PHACTR3: variants seen among roughly 807,000 people sequenced by gnomAD.
The protein encoded by PHACTR3 is phosphatase and actin regulator 3, also known as protein phosphatase 1, regulatory subunit 123.
Under a neutral mutation model 66.8 loss-of-function variants are expected in PHACTR3, and 16 were observed. The observed-to-expected ratio is 0.24, with a 90% CI of 0.16 to 0.36. The LOEUF is 0.36. Ranked by LOEUF, PHACTR3 falls within the 10% of genes least tolerant of loss-of-function variation. PHACTR3 has a pLI of 1.00. For synonymous variants in PHACTR3, 323 were observed against 292.1 expected (o/e 1.11, Z -1.08); for missense variants, 647 against 719.9 (o/e 0.90, Z 1.16).
At chr20:59,654,421 C>T (rs1408044089) in intron 1 of PHACTR3, among the ~76,000 whole-genome samples, 1 of 152,030 alleles carries the variant, frequency 6.6e-6, no homozygotes, top group African/African-American at 2.4e-5. Context: ...GTGTTAACAG[C>T]ATTAGGTAAC....
At chr20:59,633,900 TTTG>T (rs2034756719) in intron 1 of PHACTR3, among the ~76,000 whole-genome samples, 1 of 152,218 alleles carries the variant, frequency 6.6e-6, no homozygotes, top group Non-Finnish European at 1.5e-5. Context: ...AGCCAAAGAC[TTTG>T]TAACAGATTA....
intron 1 of PHACTR3, among the ~76,000 whole-genome samples, chr20:59,715,051 T>C (rs1012546641): frequency 1.3e-5 from 2 of 152,222 alleles, no homozygotes; most frequent in African/African-American, 4.8e-5. Context: ...ATTATTCTAA[T>C]TAAGATTATT....
intron 8 of PHACTR3, among the ~76,000 whole-genome samples, chr20:59,814,706 T>C (rs1388947751): frequency 6.6e-6 from 1 of 152,160 alleles, no homozygotes; most frequent in East Asian, 1.9e-4. Context: ...TGTTTTTCAC[T>C]GACCGCCAGG....
intron 1 of PHACTR3, among the ~76,000 whole-genome samples, chr20:59,584,086 CAAG>C (rs1401573006): frequency 6.6e-6 from 1 of 152,200 alleles, no homozygotes; most frequent in Non-Finnish European, 1.5e-5. Context: ...AGCGCGTGGG[CAAG>C]AAGGTGTCGT....
chr20:59,699,689 C>T (rs139803003), intron 1 of PHACTR3, among the ~76,000 whole-genome samples: 2,209 of 152,212 alleles, frequency 0.015, 41 homozygotes, highest in African/African-American at 0.05. Context: ...TGTGGCCGGG[C>T]GCGGTGGCTC....
At chr20:59,674,898 T>C (rs1304956416) in intron 1 of PHACTR3, among the ~76,000 whole-genome samples, 1 of 88,274 alleles carries the variant, frequency 1.1e-5, no homozygotes, top group Non-Finnish European at 2.2e-5. Flanking sequence ...GTCTCTGCCT[T>C]CTCCTGCCTT....
At chr20:59,672,794 C>A (rs2036239841) in intron 1 of PHACTR3, among the ~76,000 whole-genome samples, 1 of 152,200 alleles carries the variant, frequency 6.6e-6, no homozygotes, top group African/African-American at 2.4e-5. Flanking sequence ...CCCCCTTGAC[C>A]CCACACACCG....
chr20:59,742,850 G>A (rs1036185037), intron 1 of PHACTR3, among the ~76,000 whole-genome samples: 7 of 152,194 alleles, frequency 4.6e-5, no homozygotes, highest in African/African-American at 1.2e-4. Context: ...CACACGTGGC[G>A]CGTCATATGG....
At chr20:59,578,431 C>G (rs993300158) in intron 1 of PHACTR3, among the ~76,000 whole-genome samples, 4 of 152,192 alleles carry the variant, frequency 2.6e-5, no homozygotes, top group Non-Finnish European at 4.4e-5. Flanking sequence ...ACAGATTGTT[C>G]CAGGGGCCCC....
chr20:59,836,157 G>T, intron 8 of PHACTR3: 1 of 190,076 alleles, frequency 5.3e-6, no homozygotes, highest in Non-Finnish European at 1.1e-5. Flanking sequence ...GCAGGAAAAA[G>T]AATTTCCTGA....
chr20:59,733,072 C>CTTTTT (rs35384852), intron 1 of PHACTR3, among the ~76,000 whole-genome samples: 108 of 127,936 alleles, frequency 8.4e-4, no homozygotes, highest in African/African-American at 2.9e-3. Flanking sequence ...AAATTCACTC[C>CTTTTT]TTTTTTTTTT....
chr20:59,671,716 C>T (rs2036201180), intron 1 of PHACTR3, among the ~76,000 whole-genome samples: 1 of 152,216 alleles, frequency 6.6e-6, no homozygotes, highest in African/African-American at 2.4e-5. Context: ...GGGCCTGCAC[C>T]ATGCCTGGTA....
intron 7 of PHACTR3, among the ~76,000 whole-genome samples, chr20:59,796,277 G>A (rs1170339865): frequency 2.0e-5 from 3 of 152,006 alleles, no homozygotes; most frequent in Non-Finnish European, 4.4e-5. Flanking sequence ...TAATTATGCT[G>A]CCTTAATTTA....
At chr20:59,643,219 T>G (rs6100537) in intron 1 of PHACTR3, among the ~76,000 whole-genome samples, 7,050 of 152,304 alleles carry the variant, frequency 0.046, 294 homozygotes, top group East Asian at 0.12. Context: ...CTAATTCTTC[T>G]TTTAAAAGTT....
At chr20:59,601,341 G>A (rs1053244961), upstream of PHACTR3, among the ~76,000 whole-genome samples, 9 of 152,334 alleles carry the variant, frequency 5.9e-5, no homozygotes, top group African/African-American at 1.9e-4. Flanking sequence ...CTACAGTTAG[G>A]ATGGACCACA....
At chr20:59,734,873 T>A (rs1346698093) in intron 1 of PHACTR3, among the ~76,000 whole-genome samples, 1 of 151,990 alleles carries the variant, frequency 6.6e-6, no homozygotes, top group African/African-American at 2.4e-5. Context: ...ACCTACTACC[T>A]CCCCTAGCTT....
intron 4 of PHACTR3, among the ~76,000 whole-genome samples, chr20:59,759,808 C>G (rs2039934562): frequency 6.6e-6 from 1 of 152,330 alleles, no homozygotes; most frequent in African/African-American, 2.4e-5. Context: ...CCATGACAGA[C>G]AGATGTCATC....
intron 5 of PHACTR3, among the ~76,000 whole-genome samples, chr20:59,770,461 C>CACCCA (rs2040323622): frequency 6.6e-6 from 1 of 152,200 alleles, no homozygotes; most frequent in Non-Finnish European, 1.5e-5. Context: ...AGGAGGGACC[C>CACCCA]TGGCCCAACT....
intron 1 of PHACTR3, among the ~76,000 whole-genome samples, chr20:59,605,788 A>G (rs1416616894): frequency 7.0e-6 from 1 of 143,770 alleles, no homozygotes; most frequent in East Asian, 2.2e-4. Context: ...ACCGGTCACA[A>G]AGGCGTCTAT....
Sources: allele counts gnomAD v4.1 joint callset (sites outside exome capture counted in the v4.1 genomes callset), GRCh38; gene constraint gnomAD v4.1.1; transcripts MANE v1.5; gene names NCBI Gene and HGNC (gene_info 2026-07-23, HGNC 2026-07-21).